DNAI7: variants seen among roughly 807,000 people sequenced by gnomAD.
DNAI7 encodes cancer susceptibility 1.
DNAI7 carries 78 observed loss-of-function variants against 86.6 expected under a neutral mutation model. That is an observed-to-expected ratio of 0.90 (90% CI 0.75 to 1.09). DNAI7 has a LOEUF of 1.09. Ranked by LOEUF, DNAI7 falls within the 50% of genes least tolerant of loss-of-function variation. The pLI is 0.00. For synonymous variants in DNAI7, 274 were observed against 273.0 expected, an observed-to-expected ratio of 1.00 and a Z score of -0.04; for missense variants, 753 against 810.2, an observed-to-expected ratio of 0.93 and a Z score of 0.86.
intron 12 of DNAI7, among the ~76,000 whole-genome samples, 199 bp downstream of exon 12, chr12:25,118,938 TACTTTAGG>T (rs536081801): frequency 7.3e-4 from 111 of 152,356 alleles, no homozygotes; most frequent in African/African-American, 2.5e-3. Flanking sequence ...CAGATACAGA[TACTTTAGG>T]AGTTAATAGT....
chr12:25,168,658 T>C (rs1947775297), intron 2 of DNAI7, among the ~76,000 whole-genome samples: 1 of 152,160 alleles, frequency 6.6e-6, no homozygotes. Context: ...CCTAAATCAA[T>C]CTGGCCTAGT....
Position 25,121,927 on chromosome 12 carries a change from G to A in DNAI7, c.1079-14C>T. ...GCAACAACTGTGCTAAAATTAATCA[G>A]ATTAACAGTTTTCAAATAGATTACA... On this transcript the variant is annotated splice_polypyrimidine_tract_variant and intron_variant, in intron 10 of 15. Coordinates refer to ENST00000395987, the MANE Select transcript of DNAI7 (RefSeq NM_018272.5). 1 of 1,536,318 alleles carries A rather than the reference G, an allele frequency of 6.5e-7. No individual in the cohort carries two copies. The highest frequency in any genetic ancestry group is 8.7e-7 in the Non-Finnish European group (1 of 1,144,288).
At chr12:25,120,217 G>A (rs886675364) in intron 11 of DNAI7, among the ~76,000 whole-genome samples, 1 of 151,696 alleles carries the variant, frequency 6.6e-6, no homozygotes, top group Non-Finnish European at 1.5e-5. Context: ...AATGCACCAA[G>A]GTCCTTAATG....
downstream of DNAI7, chr12:25,108,043 G>A (rs756832239): frequency 6.2e-6 from 10 of 1,613,706 alleles, no homozygotes; most frequent in Non-Finnish European, 8.5e-6. Context: ...CCGACACAAT[G>A]GGCCACCACC....
At chr12:25,157,703 G>A (rs953201009) in intron 4 of DNAI7, among the ~76,000 whole-genome samples, 2 of 152,124 alleles carry the variant, frequency 1.3e-5, no homozygotes, top group Admixed American at 6.5e-5. Flanking sequence ...TAAGCTCCTT[G>A]GAGGGTCTTC....
chr12:25,111,722 C>T (rs748526136), intron 14 of DNAI7, 50 bp downstream of exon 14: 2 of 1,202,300 alleles, frequency 1.7e-6, no homozygotes, highest in East Asian at 2.6e-5. Flanking sequence ...TTAATAATTG[C>T]TAACATTTTA....
chr12:25,157,620 T>A (rs1264425697), intron 4 of DNAI7, among the ~76,000 whole-genome samples: 1 of 152,192 alleles, frequency 6.6e-6, no homozygotes, highest in Non-Finnish European at 1.5e-5. Flanking sequence ...TGTCTGTTAA[T>A]GTAAGCAGTT....
At chr12:25,138,104 C>T (rs1488287050) in intron 9 of DNAI7, among the ~76,000 whole-genome samples, 3 of 152,084 alleles carry the variant, frequency 2.0e-5, no homozygotes, top group Admixed American at 6.6e-5. Context: ...TTCTATTATT[C>T]ATCAGCTCAA....
At chr12:25,167,110 C>T (rs575397350) in intron 2 of DNAI7, among the ~76,000 whole-genome samples, 1 of 152,318 alleles carries the variant, frequency 6.6e-6, no homozygotes, top group South Asian at 2.1e-4. Flanking sequence ...ACCCTGAACA[C>T]ATTTGGTCTA....
At chr12:25,137,161 G>A (rs1355228977) in intron 9 of DNAI7, among the ~76,000 whole-genome samples, 1 of 151,998 alleles carries the variant, frequency 6.6e-6, no homozygotes, top group Admixed American at 6.6e-5. Context: ...AGAAATGTGA[G>A]GCAAAAGATT....
At chr12:25,174,054 A>T (rs919591497) in intron 2 of DNAI7, among the ~76,000 whole-genome samples, 16 of 147,546 alleles carry the variant, frequency 1.1e-4, no homozygotes, top group Non-Finnish European at 2.1e-4. Flanking sequence ...TATATCATAT[A>T]TATATCATAT....
In DNAI7 at chr12:25,114,659, A is replaced by G; in HGVS notation, c.1608T>C (p.Ile536=). 6.3e-7 allele frequency: 1 copy of G among 1,595,862 alleles called. No homozygotes were observed. Among genetic ancestry groups the G allele is most frequent in the Non-Finnish European group, 8.6e-7 (1 of 1,163,632 alleles). ...AACAGCTACAAGAGTAACTCACCTTAATTTGTATTTGAATCTCAGTAAATA... is the reference window on the plus strand; with the variant it reads ...AACAGCTACAAGAGTAACTCACCTTGATTTGTATTTGAATCTCAGTAAATA... ...TTVFTEIQIQ[I]KENLCMLSSI... is the part of the protein sequence containing the mutation. Residue 536 remains isoleucine (I), a synonymous_variant, in exon 13 of 16, where the codon ATT becomes ATC. Coordinates refer to ENST00000395987, the MANE Select transcript of DNAI7 (RefSeq NM_018272.5).
downstream of DNAI7, chr12:25,108,129 C>T: frequency 6.5e-7 from 1 of 1,537,820 alleles, no homozygotes; most frequent in Non-Finnish European, 8.8e-7. Flanking sequence ...AAATTAGTAA[C>T]TTTTAGCTGG....
At chr12:25,156,121 AAG>A (rs1016306960) in intron 4 of DNAI7, among the ~76,000 whole-genome samples, 7 of 152,274 alleles carry the variant, frequency 4.6e-5, no homozygotes, top group African/African-American at 1.7e-4. Flanking sequence ...AAAAAAAAAA[AAG>A]AATGCCCTGA....
In DNAI7 at chr12:25,108,390, C is replaced by A; in HGVS notation, c.*158G>T. ...CAAGTATTCAAAGGAAAAAAAAATA[C>A]TGTTTTTAAAATAAAACTTGAGTAG... is the stretch of plus-strand genomic sequence containing the variant. On this transcript the variant is annotated 3_prime_UTR_variant, in exon 16 of 16. Transcript: ENST00000395987. The A allele has an allele frequency of 1.5e-6, 1 of 653,654 alleles. No individual in the cohort carries two copies. The allele number at this position is 653,654 out of a possible 1,614,324, so 40.5% of individuals were successfully genotyped here.
At chr12:25,153,942 T>C (rs1464741296) in intron 6 of DNAI7, among the ~76,000 whole-genome samples, 3 of 152,210 alleles carry the variant, frequency 2.0e-5, no homozygotes, top group Non-Finnish European at 2.9e-5. Flanking sequence ...TAACAGAGTG[T>C]ATACCTGGCA....
chr12:25,194,702 A>C (rs1023602332), intron 1 of DNAI7, among the ~76,000 whole-genome samples: 2 of 152,246 alleles, frequency 1.3e-5, no homozygotes, highest in African/African-American at 4.8e-5. Context: ...CTTTTAATTA[A>C]CTGCTGGAGA....
intron 2 of DNAI7, among the ~76,000 whole-genome samples, chr12:25,172,009 A>C (rs774996282): frequency 6.6e-6 from 1 of 152,184 alleles, no homozygotes; most frequent in Non-Finnish European, 1.5e-5. Flanking sequence ...CCAACATAAT[A>C]CTGAATAAAG....
chr12:25,183,930 C>T (rs998769180), intron 2 of DNAI7, among the ~76,000 whole-genome samples: 1 of 151,978 alleles, frequency 6.6e-6, no homozygotes, highest in African/African-American at 2.4e-5. Flanking sequence ...ACTATGTTCT[C>T]TCTACCAGTT....
Sources: gnomAD v4.1 joint callset for allele counts (sites outside exome capture counted in the v4.1 genomes callset) on GRCh38, gnomAD v4.1.1 for gene constraint, MANE v1.5 for transcripts, NCBI Gene and HGNC (gene_info 2026-07-23, HGNC 2026-07-21) for gene names.